The following POLN variants were observed in gnomAD, a reference collection of about 807,000 sequenced individuals.
The protein encoded by POLN is DNA polymerase N.
POLN carries 108 observed loss-of-function variants against 113.5 expected under a neutral mutation model. That is an observed-to-expected ratio of 0.95 (90% CI 0.81 to 1.12). The LOEUF (loss-of-function observed/expected upper bound fraction) is 1.12, where lower values mean the gene tolerates loss of function less well. Among genes scored for constraint, POLN ranks in the 50% most tolerant of loss-of-function variants. POLN has a pLI of 0.00. For synonymous variants in POLN, 386 were observed against 391.5 expected (o/e 0.99, Z 0.17); for missense variants, 1,097 against 1,077.1 (o/e 1.02, Z -0.26).
chr4:2,170,301 G>A lies in POLN; in HGVS notation c.1554+378C>T, dbSNP rs189738930. ...AAAAAAATTGATTCCTCTCAAGAGA[G>A]GGGTAGGTAAAATTCTCTAAAATAA... On this transcript the variant is annotated intron_variant, in intron 13 of 25. Transcript: ENST00000511885. Among the ~76,000 whole-genome samples the A allele has an allele frequency of 5.4e-3, 826 of 152,302 alleles. 3 individuals are homozygous for A. Among genetic ancestry groups the A allele is most frequent in the Non-Finnish European group, 8.3e-3 (566 of 68,036 alleles).
At chr4:2,167,384 C>A (rs566156581) in intron 13 of POLN, among the ~76,000 whole-genome samples, 1 of 152,144 alleles carries the variant, frequency 6.6e-6, no homozygotes, top group Non-Finnish European at 1.5e-5. Context: ...GGGAGGGACC[C>A]TTGTTTCCCA....
Position 2,179,415 on chromosome 4 carries a change from G to T in POLN, c.1072C>A (p.Pro358Thr). 1.2e-6 allele frequency: 2 copies of T among 1,613,700 alleles called. No homozygotes were observed. Among genetic ancestry groups the T allele is most frequent in the South Asian group, 2.2e-5 (2 of 91,054 alleles). ...TCAAAAGAGGGTGTGGCATCACTAGGATCTATAAGCCATGCAGCAATTCTG... is the reference window on the plus strand; with the variant it reads ...TCAAAAGAGGGTGTGGCATCACTAGTATCTATAAGCCATGCAGCAATTCTG... ...DPRIAAWLIDPSDATPSFEDL... is the reference protein window; with the variant it reads ...DPRIAAWLIDTSDATPSFEDL... Residue 358 changes from proline to threonine, a missense_variant, in exon 8 of 26, where the codon CCT (proline) becomes ACT (threonine). Coordinates refer to ENST00000511885, the MANE Select transcript of POLN (RefSeq NM_181808.4).
At position 2,171,120 on chromosome 4, in the gene POLN, G is replaced by A. The variant is rs181898184; in HGVS notation, c.1436C>T (p.Thr479Met). Residue 479 changes from threonine to methionine, a missense_variant, in exon 12 of 26, where the codon ACG (threonine) becomes ATG (methionine). Physicochemically the swap from Thr to Met is moderately conservative, Grantham distance 81. Coordinates refer to ENST00000511885, the MANE Select transcript of POLN (RefSeq NM_181808.4). ...HFVAGERFLITSNNQLREILF... is the reference protein window; with the variant it reads ...HFVAGERFLIMSNNQLREILF... ...TACCTCTCGAAGCTGGTTATTGCTC[G>A]TTATAAGAAACCGTTCTCCTGCAAC... The A allele has an allele frequency of 3.9e-4, 623 of 1,613,324 alleles. 2 individuals carry two copies. The highest frequency in any genetic ancestry group is 3.2e-4 in the Non-Finnish European group (375 of 1,179,790).
chr4:2,131,156 G>A (rs984025993), intron 17 of POLN, 77 bp downstream of exon 17: 71 of 1,069,766 alleles, frequency 6.6e-5, no homozygotes, highest in Non-Finnish European at 7.6e-5. Flanking sequence ...ATGCACTCTA[G>A]CCTGGGTGAC....
In POLN at chr4:2,232,031, T is replaced by C. The variant is rs754198325; in HGVS notation, c.-12-2788A>G. On this transcript the variant is annotated intron_variant, in intron 2 of 25. Coordinates refer to ENST00000511885, the MANE Select transcript of POLN (RefSeq NM_181808.4). ...TTTAAAAAATATACATAGAATTCTC[T>C]TTCCATTTGATGTAATTTATTATTT... The C allele has an allele frequency of 6.6e-7, 1 of 1,517,414 alleles. No individual in the cohort carries two copies. Among genetic ancestry groups the C allele is most frequent in the Non-Finnish European group, 9.1e-7 (1 of 1,097,766 alleles). The allele number at this position is 1,517,414 out of a possible 1,614,324, so 94.0% of individuals were successfully genotyped here.
intron 19 of POLN, among the ~76,000 whole-genome samples, chr4:2,125,601 G>A (rs929019126): frequency 1.3e-5 from 2 of 152,176 alleles, no homozygotes; most frequent in African/African-American, 4.8e-5. Context: ...AGGTGAGCAA[G>A]TAAATAATGG....
At chr4:2,208,872 C>T (rs987361123) in intron 4 of POLN, among the ~76,000 whole-genome samples, 3 of 152,070 alleles carry the variant, frequency 2.0e-5, no homozygotes, top group African/African-American at 7.2e-5. Context: ...CTTGTAATTC[C>T]AGCTACTCGG....
chr4:2,160,606 G>A (rs1026224800), intron 13 of POLN, among the ~76,000 whole-genome samples: 4 of 151,906 alleles, frequency 2.6e-5, no homozygotes, highest in South Asian at 2.1e-4. Context: ...ATGAGGTCTC[G>A]CCATGTTGCC....
At position 2,238,347 on chromosome 4, in the gene POLN, A is replaced by G. The variant is rs527332426; in HGVS notation, c.-13+3173T>C. On this transcript the variant is annotated intron_variant, in intron 2 of 25. Transcript: ENST00000511885. ...ATATAAATAATGATGCCTAAAGGGG[A>G]ATAAACCCATTCATTCCTCCAACTC... is the stretch of plus-strand genomic sequence containing the variant. Among the ~76,000 whole-genome samples the G allele has an allele frequency of 1.1e-4, 17 of 152,294 alleles. No homozygotes were observed. In the East Asian group the frequency reaches 3.1e-3, roughly 28 times the overall value.
chr4:2,211,165 G>A (rs943337396), intron 4 of POLN, among the ~76,000 whole-genome samples: 1 of 147,234 alleles, frequency 6.8e-6, no homozygotes, highest in Non-Finnish European at 1.5e-5. Flanking sequence ...CAGGAGAATC[G>A]CTTAACCCAG....
intron 23 of POLN, chr4:2,080,307 A>G: frequency 2.0e-6 from 2 of 996,594 alleles, no homozygotes; most frequent in Non-Finnish European, 2.4e-6. Flanking sequence ...CCCTGGGGGA[A>G]TAACTGAGGC....
chr4:2,108,754 G>C (rs994293692), intron 19 of POLN, among the ~76,000 whole-genome samples: 3 of 151,998 alleles, frequency 2.0e-5, no homozygotes, highest in Non-Finnish European at 4.4e-5. Flanking sequence ...CAGCTAACCA[G>C]AGACACCCCA....
chr4:2,191,168 A>G (rs1733430485), intron 7 of POLN, among the ~76,000 whole-genome samples: 1 of 152,234 alleles, frequency 6.6e-6, no homozygotes, highest in South Asian at 2.1e-4. Flanking sequence ...CAGCCATAAA[A>G]AAGAATGAAA....
chr4:2,208,582 T>C (rs1733916179), intron 4 of POLN, 95 bp from the exon 5 acceptor site: 1 of 1,004,674 alleles, frequency 1.0e-6, no homozygotes, highest in Non-Finnish European at 1.4e-6. Context: ...TCTAAGGTAA[T>C]ATGGAGACAC....
chr4:2,192,256 T>G (rs1229490074), intron 7 of POLN, among the ~76,000 whole-genome samples: 1 of 152,122 alleles, frequency 6.6e-6, no homozygotes, highest in Non-Finnish European at 1.5e-5. Flanking sequence ...AATATATAAT[T>G]TGAAAAGAAT....
intron 16 of POLN, among the ~76,000 whole-genome samples, chr4:2,155,522 T>C (rs1003804810): frequency 5.3e-5 from 8 of 152,080 alleles, no homozygotes; most frequent in African/African-American, 1.9e-4. Flanking sequence ...CGGTACACCA[T>C]CTATGCAAAT....
chr4:2,103,445 T>C (rs1190168366), intron 19 of POLN, among the ~76,000 whole-genome samples: 2 of 152,122 alleles, frequency 1.3e-5, no homozygotes, highest in African/African-American at 4.8e-5. Flanking sequence ...ACAAAGCCTT[T>C]GAGATGTTTG....
At chr4:2,080,233 C>G (rs530603467) in intron 23 of POLN, 104 of 987,680 alleles carry the variant, frequency 1.1e-4, no homozygotes, top group Non-Finnish European at 1.2e-4. Context: ...CCTTGGCTGG[C>G]AAGGAGGAGG....
chr4:2,087,076 G>A (rs1344799128), intron 20 of POLN, among the ~76,000 whole-genome samples: 1 of 152,174 alleles, frequency 6.6e-6, no homozygotes, highest in Non-Finnish European at 1.5e-5. Flanking sequence ...TGCTTCCATT[G>A]CTTTGTCAGC....
Sources: gnomAD v4.1 joint callset for allele counts (sites outside exome capture counted in the v4.1 genomes callset) on GRCh38, gnomAD v4.1.1 for gene constraint, MANE v1.5 for transcripts, NCBI Gene and HGNC (gene_info 2026-07-23, HGNC 2026-07-21) for gene names.